FBXO6: variants seen among roughly 807,000 people sequenced by gnomAD.
The protein encoded by FBXO6 is F-box protein 6.
FBXO6 carries 13 observed loss-of-function variants against 25.0 expected under a neutral mutation model. The observed-to-expected ratio is 0.52, with a 90% CI of 0.34 to 0.83. FBXO6 has a LOEUF of 0.83. FBXO6 is among the 40% of genes least tolerant of loss of function. The pLI is 0.02. For synonymous variants in FBXO6, 138 were observed against 155.3 expected, an observed-to-expected ratio of 0.89 and a Z score of 0.83; for missense variants, 370 against 380.2, an observed-to-expected ratio of 0.97 and a Z score of 0.22.
In FBXO6 at chr1:11,673,977, C is replaced by T. The variant is rs1640705375; in HGVS notation, c.*126C>T. The T allele has an allele frequency of 3.8e-5, 30 of 785,290 alleles. No homozygotes were observed. The Middle Eastern group carries it at 2.1e-3, about 56-fold the overall frequency. The allele number at this position is 785,290 out of a possible 1,614,324, so 48.6% of individuals were successfully genotyped here. A position where few individuals can be genotyped will look rare whatever the true frequency, so the allele number is the denominator to read the frequency against. ...GTTCAACCCTACCAGCTTGTGGTAA[C>T]TTACTGTCACATAGCTCTGACGTTT... On this transcript the variant is annotated 3_prime_UTR_variant, in exon 6 of 6. Transcript: ENST00000376753. The surrounding 1 kb of genome is among the most constrained non-coding windows in gnomAD (Gnocchi z 4.3).
At chr1:11,665,215 C>CTTT (rs541103021) in intron 1 of FBXO6, among the ~76,000 whole-genome samples, 2,783 of 61,596 alleles carry the variant, frequency 0.045, 579 homozygotes, top group East Asian at 0.073. Flanking sequence ...TAGCTAATTT[C>CTTT]TTTTTTTTTT....
chr1:11,673,378 C>T lies in FBXO6; in HGVS notation c.611C>T (p.Thr204Ile). The change falls in exon 5 of 6, where the codon ACC (threonine) becomes ATC (isoleucine). Residue 204 changes from threonine to isoleucine, a missense_variant. Thr to Ile is a moderately conservative substitution (Grantham distance 89). Coordinates refer to ENST00000376753, the MANE Select transcript of FBXO6 (RefSeq NM_018438.6). The surrounding 1 kb of genome is among the most constrained non-coding windows in gnomAD (Gnocchi z 4.3). ...GCCTCCTTCGAGCCCCCACCTGTGA[C>T]CATCCAACAGTGGAACAATGCCACA... ...VLASFEPPPV[T>I]IQQWNNATWT... 1.2e-6 allele frequency: 2 copies of T among 1,614,092 alleles called. No homozygotes were observed. Among genetic ancestry groups the T allele is most frequent in the South Asian group, 2.2e-5 (2 of 91,082 alleles).
At chr1:11,665,817 C>T (rs1237702653) in intron 1 of FBXO6, among the ~76,000 whole-genome samples, 67 of 152,010 alleles carry the variant, frequency 4.4e-4, no homozygotes. Flanking sequence ...CCTCGGCCTA[C>T]CGAAGTGCTG....
intron 3 of FBXO6, 48 bp from the exon 4 acceptor site, chr1:11,671,880 C>A (rs547060027): frequency 6.7e-7 from 1 of 1,500,600 alleles, no homozygotes; most frequent in Non-Finnish European, 9.3e-7. Flanking sequence ...AGGGGGGGGG[C>A]CATGCAGAGC....
In FBXO6 at chr1:11,668,691, C is replaced by T. The variant is rs1640515620; in HGVS notation, c.33C>T (p.Asp11=). The stretch of plus-strand genomic sequence containing the variant: ...CTCCCCACTCCAAAGCAGCCCTGGA[C>T]AGCATTAACGAGCTGCCCGAGAACA... MDAPHSKAAL[D]SINELPENIL... The change falls in exon 2 of 6, where the codon GAC becomes GAT. Residue 11 remains aspartate, a synonymous_variant. Transcript: ENST00000376753. The T allele has an allele frequency of 1.2e-6, 2 of 1,613,864 alleles. No individual in the cohort carries two copies. Among genetic ancestry groups the T allele is most frequent in the Middle Eastern group, 1.6e-4 (1 of 6,080 alleles).
Position 11,673,190 on chromosome 1 carries a change from G to A in FBXO6, c.510-87G>A, listed in dbSNP as rs1002565995. On this transcript the variant is annotated intron_variant, in intron 4 of 5. Coordinates refer to ENST00000376753, the MANE Select transcript of FBXO6 (RefSeq NM_018438.6). This position sits in a 1 kb window ranked among gnomAD's most constrained non-coding sequence, Gnocchi z 4.3. Reference sequence around the variant, plus strand: ...GTCAGCTGATGGGAGATGAAGCTCCGAGCTCCAATGTATAGGTCCCACCTG... The same window carrying A: ...GTCAGCTGATGGGAGATGAAGCTCCAAGCTCCAATGTATAGGTCCCACCTG... 49 of 1,468,152 alleles carry A rather than the reference G, an allele frequency of 3.3e-5. No individual in the cohort carries two copies. Among genetic ancestry groups the A allele is most frequent in the South Asian group, 1.1e-4 (8 of 72,698 alleles). The allele number at this position is 1,468,152 out of a possible 1,614,324, so 90.9% of individuals were successfully genotyped here. A position where few individuals can be genotyped will look rare whatever the true frequency, so the allele number is the denominator to read the frequency against.
chr1:11,674,214 G>A lies in FBXO6; in HGVS notation c.*363G>A, dbSNP rs1353872732. 4.0e-6 allele frequency: 1 copy of A among 250,448 alleles called. No individual in the cohort carries two copies. Among genetic ancestry groups the A allele is most frequent in the Non-Finnish European group, 8.1e-6 (1 of 124,130 alleles). The allele number at this position is 250,448 out of a possible 1,614,324, so 15.5% of individuals were successfully genotyped here. ...AGCTACTCGGGAGGCTGATGCAGAA[G>A]AATGGCGTGAACCCGGAAGGCAGAG... On this transcript the variant is annotated 3_prime_UTR_variant, in exon 6 of 6. Coordinates refer to ENST00000376753, the MANE Select transcript of FBXO6 (RefSeq NM_018438.6). This position sits in a 1 kb window ranked among gnomAD's most constrained non-coding sequence, Gnocchi z 6.1.
rs1190488155 is a variant in FBXO6, at chr1:11,673,660, C to T, written c.691C>T (p.Leu231Phe). The part of the protein sequence containing the change: ...SDYPRGVRYI[L>F]FQHGGRDTQY... The stretch of plus-strand genomic sequence containing the variant: ...CTACCCCCGGGGTGTCCGCTACATC[C>T]TCTTCCAGCATGGGGGCAGGGACAC... Residue 231 changes from leucine to phenylalanine, a missense_variant, in exon 6 of 6, where the codon CTC (leucine) becomes TTC (phenylalanine). Leu to Phe is a conservative substitution (Grantham distance 22). Coordinates refer to ENST00000376753, the MANE Select transcript of FBXO6 (RefSeq NM_018438.6). This position sits in a 1 kb window ranked among gnomAD's most constrained non-coding sequence, Gnocchi z 4.3. 6.2e-7 allele frequency: 1 copy of T among 1,614,136 alleles called. No individual in the cohort carries two copies.
In FBXO6 at chr1:11,670,074, G is replaced by A. The variant is rs192069171; in HGVS notation, c.286+1130G>A. Among the ~76,000 whole-genome samples, 59 of 151,218 alleles carry A rather than the reference G, an allele frequency of 3.9e-4. No homozygotes were observed. The East Asian group carries it at 0.01, about 26-fold the overall frequency. On this transcript the variant is annotated intron_variant, in intron 2 of 5. Coordinates refer to ENST00000376753, the MANE Select transcript of FBXO6 (RefSeq NM_018438.6). Reference sequence around the variant, plus strand: ...AAAAATGTAAAAAAATTAGCTGGGCGTGGTGGCAGGCACCTGTAGTCCCAG... The same window carrying A: ...AAAAATGTAAAAAAATTAGCTGGGCATGGTGGCAGGCACCTGTAGTCCCAG...
intron 4 of FBXO6, 43 bp downstream of exon 4, chr1:11,672,066 C>T: frequency 6.6e-7 from 1 of 1,508,108 alleles, no homozygotes; most frequent in Non-Finnish European, 9.2e-7. Flanking sequence ...TCTACATGCT[C>T]CTCTTACTGC....
At chr1:11,668,537 C>A in intron 1 of FBXO6, 119 bp from the exon 2 acceptor site, 1 of 1,294,914 alleles carries the variant, frequency 7.7e-7, no homozygotes, top group African/African-American at 1.5e-5. Context: ...CCTGGGACTC[C>A]AGGCATGTGC....
At chr1:11,667,810 T>C (rs1311077260) in intron 1 of FBXO6, among the ~76,000 whole-genome samples, 1 of 152,100 alleles carries the variant, frequency 6.6e-6, no homozygotes, top group Non-Finnish European at 1.5e-5. Flanking sequence ...TTTTATATTC[T>C]GGCCGGGTAC....
At chr1:11,668,106 AAAG>A (rs200985610) in intron 1 of FBXO6, among the ~76,000 whole-genome samples, 6 of 151,300 alleles carry the variant, frequency 4.0e-5, no homozygotes, top group South Asian at 2.1e-4. Flanking sequence ...AAAAAAAAAA[AAAG>A]ATTTTATATT....
chr1:11,671,834 C>G, intron 3 of FBXO6, 94 bp from the exon 4 acceptor site: 2 of 1,153,226 alleles, frequency 1.7e-6, no homozygotes, highest in Non-Finnish European at 2.6e-6. Context: ...CCCAAACCAC[C>G]TCCCTGGGCT....
rs763235388 is a variant in FBXO6 at position 11,668,692 on chromosome 1, A to G, written c.34A>G (p.Ser12Gly). 1.2e-6 allele frequency: 2 copies of G among 1,613,828 alleles called. No homozygotes were observed. Among genetic ancestry groups the G allele is most frequent in the African/African-American group, 1.3e-5 (1 of 74,928 alleles). The change falls in exon 2 of 6, where the codon AGC (serine) becomes GGC (glycine). Residue 12 changes from serine (S) to glycine (G), a missense_variant. Ser to Gly is a moderately conservative substitution (Grantham distance 56). Coordinates refer to ENST00000376753, the MANE Select transcript of FBXO6 (RefSeq NM_018438.6). ...DAPHSKAALD[S>G]INELPENILL... ...TCCCCACTCCAAAGCAGCCCTGGACAGCATTAACGAGCTGCCCGAGAACAT... is the reference window on the plus strand; with the variant it reads ...TCCCCACTCCAAAGCAGCCCTGGACGGCATTAACGAGCTGCCCGAGAACAT...
At chr1:11,670,168 G>T (rs1313080419) in intron 2 of FBXO6, among the ~76,000 whole-genome samples, 1 of 150,324 alleles carries the variant, frequency 6.7e-6, no homozygotes, top group African/African-American at 2.5e-5. Context: ...AGCCAAGATT[G>T]CGCCACTGCA....
intron 1 of FBXO6, among the ~76,000 whole-genome samples, chr1:11,666,035 CTCT>C (rs1438176527): frequency 3.7e-5 from 4 of 106,762 alleles, no homozygotes; most frequent in East Asian, 2.5e-4. Context: ...TTTTTCTTTT[CTCT>C]TTTTTTTTTT....
intron 2 of FBXO6, among the ~76,000 whole-genome samples, chr1:11,669,885 C>T (rs1394317902): frequency 2.1e-5 from 3 of 146,164 alleles, no homozygotes; most frequent in Non-Finnish European, 3.0e-5. Flanking sequence ...GATCTGCCTG[C>T]CTCGGCCTCC....
At chr1:11,669,232 G>A (rs1046788758) in intron 2 of FBXO6, among the ~76,000 whole-genome samples, 1 of 152,276 alleles carries the variant, frequency 6.6e-6, no homozygotes, top group East Asian at 1.9e-4. Flanking sequence ...TTGGGAGGCC[G>A]AGATGGGCGG....
Sources: allele counts gnomAD v4.1 joint callset (sites outside exome capture counted in the v4.1 genomes callset), GRCh38; gene constraint gnomAD v4.1.1; non-coding constraint Gnocchi (gnomAD v3.1); transcripts MANE v1.5; gene names NCBI Gene and HGNC (gene_info 2026-07-23, HGNC 2026-07-21).